Variants in MIPOL1 observed in about 807,000 individuals in gnomAD.
The protein encoded by MIPOL1 is mirror-image polydactyly gene 1 protein.
MIPOL1 carries 57 observed loss-of-function variants against 60.9 expected under a neutral mutation model. That is an observed-to-expected ratio of 0.94 (90% CI 0.76 to 1.17). The LOEUF (loss-of-function observed/expected upper bound fraction) is 1.17. Among genes scored for constraint, MIPOL1 ranks in the 50% most tolerant of loss-of-function variants. The pLI is 0.00. For missense variants in MIPOL1, 551 were observed against 511.6 expected (o/e 1.08, Z -0.74); for synonymous variants, 179 against 168.8 (o/e 1.06, Z -0.47).
Position 37,436,612 on chromosome 14 carries a change from A to G in MIPOL1, c.1031+13663A>G, listed in dbSNP as rs113245599. On this transcript the variant is annotated intron_variant, in intron 11 of 12. Coordinates refer to ENST00000684589, the MANE Select transcript of MIPOL1 (RefSeq NM_001388067.1). ...GATCTTTAAGCTAGTTTTGATTTCTATAAACTTTCTAATGCCACTGCTGTC... is the reference window on the plus strand; with the variant it reads ...GATCTTTAAGCTAGTTTTGATTTCTGTAAACTTTCTAATGCCACTGCTGTC... 7.3e-3 allele frequency among the ~76,000 whole-genome samples: 1,111 copies of G among 152,328 alleles called. 15 individuals carry two copies. Among genetic ancestry groups the G allele is most frequent in the African/African-American group, 0.025 (1,042 of 41,576 alleles).
intron 10 of MIPOL1, among the ~76,000 whole-genome samples, chr14:37,417,848 A>C (rs1345361001): frequency 6.6e-6 from 1 of 152,176 alleles, no homozygotes; most frequent in Non-Finnish European, 1.5e-5. Flanking sequence ...GTGGTCTTCT[A>C]TGGTAAAATA....
chr14:37,452,994 G>C lies in MIPOL1; in HGVS notation c.1031+30045G>C, dbSNP rs111566574. 5.1e-3 allele frequency among the ~76,000 whole-genome samples: 784 copies of C among 152,274 alleles called. 10 individuals carry two copies. Among genetic ancestry groups the C allele is most frequent in the Middle Eastern group, 0.031 (9 of 292 alleles). On this transcript the variant is annotated intron_variant, in intron 11 of 12. Coordinates refer to ENST00000684589, the MANE Select transcript of MIPOL1 (RefSeq NM_001388067.1). ...TTTCTTTTAGAAACCTTAGGCAATG[G>C]TATTAAGAAGCAGCAGTAATGGATT...
intron 9 of MIPOL1, among the ~76,000 whole-genome samples, chr14:37,321,901 A>C (rs2088616688): frequency 6.6e-6 from 1 of 151,934 alleles, no homozygotes; most frequent in Non-Finnish European, 1.5e-5. Context: ...ATCCTTTTCC[A>C]AGTTCAGACT....
chr14:37,273,354 A>T (rs1036506711), intron 6 of MIPOL1, among the ~76,000 whole-genome samples: 1 of 150,982 alleles, frequency 6.6e-6, no homozygotes, highest in Admixed American at 6.6e-5. Context: ...TTAAAAAAAA[A>T]CATTGCTTTC....
intron 10 of MIPOL1, among the ~76,000 whole-genome samples, chr14:37,375,992 T>C (rs748568339): frequency 2.0e-5 from 3 of 152,192 alleles, no homozygotes; most frequent in Non-Finnish European, 4.4e-5. Context: ...AAATGTTCTC[T>C]GGGTTAGTTA....
At chr14:37,543,817 C>G (rs902752030) in intron 12 of MIPOL1, among the ~76,000 whole-genome samples, 1 of 152,104 alleles carries the variant, frequency 6.6e-6, no homozygotes, top group Non-Finnish European at 1.5e-5. Context: ...AGTTAAAACC[C>G]TTTCATTGTG....
chr14:37,255,768 G>T (rs991362026), intron 3 of MIPOL1, among the ~76,000 whole-genome samples: 2 of 151,790 alleles, frequency 1.3e-5, no homozygotes, highest in African/African-American at 4.8e-5. Context: ...GGATGAAATT[G>T]ATAATACTTT....
At chr14:37,434,350 C>G (rs2094128348) in intron 11 of MIPOL1, 1 of 152,124 alleles carries the variant, frequency 6.6e-6, no homozygotes, top group Admixed American at 6.5e-5. Flanking sequence ...AGTGTCTGTT[C>G]ATATCCTTCG....
chr14:37,501,343 C>T (rs2095212830), intron 12 of MIPOL1, among the ~76,000 whole-genome samples: 1 of 152,128 alleles, frequency 6.6e-6, no homozygotes, highest in Non-Finnish European at 1.5e-5. Context: ...TTGACAGGAT[C>T]TGATTTGGCT....
chr14:37,256,677 AGGTAAGAAGATGACAAAAAATTTTTTTC>A lies in MIPOL1; in HGVS notation c.19+8772_19+8799del, dbSNP rs1974971128. 2.0e-5 allele frequency among the ~76,000 whole-genome samples: 3 copies of A among 152,084 alleles called. No individual in the cohort carries two copies. In the South Asian group the frequency reaches 6.2e-4, roughly 32 times the overall value. On this transcript the variant is annotated intron_variant, in intron 3 of 12. Transcript: ENST00000684589. The stretch of plus-strand genomic sequence containing the variant: ...GATTAGGACAAGGCTGCACTAGCCC[AGGTAAGAAGATGACAAAAAATTTTTTTC>A]GTTAAAAAAGCAGTCTTTGATCTCT...
chr14:37,306,030 A>G (rs2086758875), intron 7 of MIPOL1, among the ~76,000 whole-genome samples: 1 of 151,924 alleles, frequency 6.6e-6, no homozygotes, highest in East Asian at 1.9e-4. Context: ...TTCATGTGCC[A>G]GGGATCTGGA....
intron 9 of MIPOL1, among the ~76,000 whole-genome samples, chr14:37,367,554 T>G (rs1446593771): frequency 6.6e-6 from 1 of 152,052 alleles, no homozygotes; most frequent in Non-Finnish European, 1.5e-5. Context: ...ATACACTTCT[T>G]AAGTTTCTAC....
At chr14:37,474,365 A>G (rs1168313387) in intron 11 of MIPOL1, among the ~76,000 whole-genome samples, 2 of 152,052 alleles carry the variant, frequency 1.3e-5, no homozygotes, top group African/African-American at 4.8e-5. Flanking sequence ...CGTAATCCCC[A>G]TGTGTCGTGG....
chr14:37,524,872 G>T (rs2095437761), intron 12 of MIPOL1, among the ~76,000 whole-genome samples: 1 of 151,864 alleles, frequency 6.6e-6, no homozygotes, highest in Non-Finnish European at 1.5e-5. Context: ...CCGGCCTGAA[G>T]CTTATTTTAA....
chr14:37,270,578 T>C, intron 6 of MIPOL1, 53 bp downstream of exon 6: 2 of 934,950 alleles, frequency 2.1e-6, no homozygotes, highest in Non-Finnish European at 3.1e-6. Flanking sequence ...ACAAGGTTAT[T>C]ATATGATGTA....
chr14:37,275,659 A>G (rs577262205), intron 6 of MIPOL1, among the ~76,000 whole-genome samples: 2 of 151,204 alleles, frequency 1.3e-5, no homozygotes, highest in South Asian at 4.1e-4. Flanking sequence ...TAGTATGCAG[A>G]TGATGCTTGA....
intron 11 of MIPOL1, among the ~76,000 whole-genome samples, chr14:37,499,020 A>C (rs73253761): frequency 2.0e-5 from 3 of 152,158 alleles, no homozygotes; most frequent in Admixed American, 2.0e-4. Flanking sequence ...AAATGTCTCC[A>C]ATCGACATTT....
chr14:37,376,714 G>A (rs550301138), intron 10 of MIPOL1, among the ~76,000 whole-genome samples: 1 of 152,084 alleles, frequency 6.6e-6, no homozygotes, highest in East Asian at 1.9e-4. Flanking sequence ...CCAAGTTTTG[G>A]CAGTTATGAA....
chr14:37,378,274 C>G (rs1416617464), intron 10 of MIPOL1, among the ~76,000 whole-genome samples: 2 of 151,972 alleles, frequency 1.3e-5, no homozygotes, highest in Non-Finnish European at 2.9e-5. Context: ...TTGCCCAAAA[C>G]TAGAAAGAAG....
Sources: allele counts gnomAD v4.1 joint callset (sites outside exome capture counted in the v4.1 genomes callset), GRCh38; gene constraint gnomAD v4.1.1; transcripts MANE v1.5; gene names NCBI Gene and HGNC (gene_info 2026-07-23, HGNC 2026-07-21).